SH2D4B: variants seen among roughly 807,000 people sequenced by gnomAD.
SH2D4B encodes the protein SH2 domain-containing protein 4B.
SH2D4B carries 45 observed loss-of-function variants against 61.5 expected under a neutral mutation model. The ratio of observed to expected loss-of-function variants is 0.73; its 90% CI spans 0.58 to 0.94. SH2D4B has a LOEUF of 0.94. Ranked by LOEUF, SH2D4B falls within the 40% of genes least tolerant of loss-of-function variation. SH2D4B has a pLI of 0.00. For missense variants in SH2D4B, 572 were observed against 574.2 expected (o/e 1.00, Z 0.04); for synonymous variants, 224 against 220.4 (o/e 1.02, Z -0.14).
intron 1 of SH2D4B, among the ~76,000 whole-genome samples, chr10:80,556,506 T>G (rs960300400): frequency 4.6e-5 from 7 of 152,222 alleles, no homozygotes; most frequent in Admixed American, 4.6e-4. Context: ...TAGATCAACC[T>G]GGGATGAATT....
chr10:80,643,265 T>C (rs949943726), intron 7 of SH2D4B, among the ~76,000 whole-genome samples: 6 of 151,792 alleles, frequency 4.0e-5, no homozygotes, highest in East Asian at 1.9e-4. Flanking sequence ...TTTTAAATAA[T>C]GCCCATTCTC....
intron 1 of SH2D4B, among the ~76,000 whole-genome samples, chr10:80,552,714 C>T (rs1841777911): frequency 6.6e-6 from 1 of 152,190 alleles, no homozygotes; most frequent in Non-Finnish European, 1.5e-5. Flanking sequence ...CCAGGTTTTT[C>T]TCACCTAAGA....
chr10:80,573,675 G>C (rs1371190394), intron 3 of SH2D4B, among the ~76,000 whole-genome samples: 1 of 151,906 alleles, frequency 6.6e-6, no homozygotes, highest in Non-Finnish European at 1.5e-5. Flanking sequence ...TTTCTTCTTT[G>C]ATTTATTATT....
chr10:80,585,175 C>G (rs990807925), intron 3 of SH2D4B, among the ~76,000 whole-genome samples: 3 of 152,202 alleles, frequency 2.0e-5, no homozygotes, highest in Admixed American at 6.5e-5. Flanking sequence ...AAATCTCTCT[C>G]TCTGAGACTT....
At position 80,550,462 on chromosome 10, in the gene SH2D4B, C is replaced by T. The variant is rs139074115; in HGVS notation, c.184+11947C>T. 3.1e-3 allele frequency among the ~76,000 whole-genome samples: 471 copies of T among 152,156 alleles called. 1 individual carries two copies. The highest frequency in any genetic ancestry group is 0.011 in the African/African-American group (458 of 41,488). ...CAAAAAAACTAGCCGGGCATGGTGG[C>T]AGGCGCCTATAGTCCCAGCTACTCG... On this transcript the variant is annotated intron_variant, in intron 1 of 7. Coordinates refer to ENST00000646907, the MANE Select transcript of SH2D4B (RefSeq NM_001388272.1).
At chr10:80,550,060 G>C (rs1841737829) in intron 1 of SH2D4B, among the ~76,000 whole-genome samples, 1 of 150,896 alleles carries the variant, frequency 6.6e-6, no homozygotes, top group African/African-American at 2.4e-5. Context: ...TCAGCTAAGG[G>C]CTTTTGGTGG....
intron 1 of SH2D4B, among the ~76,000 whole-genome samples, chr10:80,547,923 G>A (rs981133561): frequency 2.0e-5 from 3 of 152,192 alleles, no homozygotes; most frequent in African/African-American, 4.8e-5. Context: ...GCCAGCTTCT[G>A]AAGGGGAGCC....
intron 6 of SH2D4B, among the ~76,000 whole-genome samples, chr10:80,621,984 G>A (rs1842720751): frequency 6.6e-6 from 1 of 152,004 alleles, no homozygotes; most frequent in Non-Finnish European, 1.5e-5. Flanking sequence ...GCCTCCCAAA[G>A]TGCTGGGATT....
At position 80,634,484 on chromosome 10, in the gene SH2D4B, G is replaced by A. The variant is rs751345833; in HGVS notation, c.1188G>A (p.Thr396=). 93 of 1,550,066 alleles carry A rather than the reference G, an allele frequency of 6.0e-5. 1 individual carries two copies. In the Middle Eastern group the frequency reaches 6.9e-4, roughly 11 times the overall value. The change falls in exon 7 of 8, where the codon ACG becomes ACA. Residue 396 remains threonine, a synonymous_variant. Transcript: ENST00000646907. ...ACCCCAATCGCCATGCAACGCTCAC[G>A]GATCTCGTTGATTTCCATAAGGTAT... is the stretch of plus-strand genomic sequence containing the variant. ...GVDPNRHATL[T]DLVDFHKEEI... is the part of the protein sequence containing the mutation.
At position 80,577,458 on chromosome 10, in the gene SH2D4B, G is replaced by A. The variant is rs11186135; in HGVS notation, c.495+5880G>A. Among the ~76,000 whole-genome samples, 21 of 148,028 alleles carry A rather than the reference G, an allele frequency of 1.4e-4. No individual in the cohort carries two copies. In the East Asian group the frequency reaches 1.8e-3, roughly 13 times the overall value. On this transcript the variant is annotated intron_variant, in intron 3 of 7. Transcript: ENST00000646907. ...TTTTTTTTTTTTGAGACGGAGTCTC[G>A]CTCTGTCGCCCAGGCTGGAGTGCAG...
In SH2D4B at chr10:80,634,631, T is replaced by A. The variant is rs1320727438; in HGVS notation, c.1209+126T>A. 3 of 1,389,146 alleles carry A rather than the reference T, an allele frequency of 2.2e-6. No homozygotes were observed. In the Admixed American group the frequency reaches 7.2e-5, roughly 33 times the overall value. The allele number at this position is 1,389,146 out of a possible 1,614,324, so 86.1% of individuals were successfully genotyped here. A position where few individuals can be genotyped will look rare whatever the true frequency, so the allele number is the denominator to read the frequency against. On this transcript the variant is annotated intron_variant, in intron 7 of 7. Transcript: ENST00000646907. ...CAGTGGGGCTGGAGGGTCTCAGAGA[T>A]GTAGAGCATCAGGGCAGAAGAGACC... is the stretch of plus-strand genomic sequence containing the variant.
At chr10:80,640,021 G>C (rs1840261377) in intron 7 of SH2D4B, among the ~76,000 whole-genome samples, 1 of 152,184 alleles carries the variant, frequency 6.6e-6, no homozygotes, top group Non-Finnish European at 1.5e-5. Flanking sequence ...TGTGTGTAAA[G>C]TATTTTATTT....
Position 80,620,095 on chromosome 10 carries a change from G to A in SH2D4B, c.988+10544G>A, listed in dbSNP as rs532707853. Among the ~76,000 whole-genome samples the A allele has an allele frequency of 4.6e-5, 7 of 152,310 alleles. No homozygotes were observed. In the East Asian group the frequency reaches 5.8e-4, roughly 13 times the overall value. On this transcript the variant is annotated intron_variant, in intron 6 of 7. Transcript: ENST00000646907. Reference sequence around the variant, plus strand: ...ATACAAATCCACACCTTGCCCACACGTTCTCCAGGTCATTGTGCATGGAAG... The same window carrying A: ...ATACAAATCCACACCTTGCCCACACATTCTCCAGGTCATTGTGCATGGAAG...
intron 6 of SH2D4B, among the ~76,000 whole-genome samples, chr10:80,618,118 A>C (rs1189715528): frequency 1.3e-5 from 2 of 152,248 alleles, no homozygotes; most frequent in East Asian, 3.8e-4. Context: ...CCACTGAATG[A>C]TACTGGGCAG....
chr10:80,601,197 T>C (rs1163172082), intron 4 of SH2D4B, among the ~76,000 whole-genome samples: 2 of 152,200 alleles, frequency 1.3e-5, no homozygotes, highest in Non-Finnish European at 2.9e-5. Context: ...CTCTCTGGAA[T>C]GGCCTCTTCC....
chr10:80,632,044 C>T (rs912461946), intron 6 of SH2D4B, among the ~76,000 whole-genome samples: 2 of 152,100 alleles, frequency 1.3e-5, no homozygotes, highest in African/African-American at 4.8e-5. Context: ...CACAAATGAT[C>T]CTCTTGCCTC....
intron 1 of SH2D4B, among the ~76,000 whole-genome samples, chr10:80,567,646 T>A (rs1489010893): frequency 6.6e-6 from 1 of 152,188 alleles, no homozygotes; most frequent in Non-Finnish European, 1.5e-5. Context: ...AGAGCCACAG[T>A]CTCCAGTCTA....
At chr10:80,566,351 A>G (rs918486889) in intron 1 of SH2D4B, among the ~76,000 whole-genome samples, 5 of 146,250 alleles carry the variant, frequency 3.4e-5, no homozygotes, top group African/African-American at 1.3e-4. Context: ...GCTGGAGTGC[A>G]GTGGCGTGAT....
At chr10:80,627,614 T>G (rs1424244034) in intron 6 of SH2D4B, among the ~76,000 whole-genome samples, 3 of 133,116 alleles carry the variant, frequency 2.3e-5, no homozygotes, top group African/African-American at 7.8e-5. Flanking sequence ...TTATCACCAT[T>G]GCTCACAGTT....
Sources: allele counts gnomAD v4.1 joint callset (sites outside exome capture counted in the v4.1 genomes callset), GRCh38; gene constraint gnomAD v4.1.1; transcripts MANE v1.5; gene names NCBI Gene and HGNC (gene_info 2026-07-23, HGNC 2026-07-21).